Variants in SLC26A7 observed in about 807,000 individuals in gnomAD.
SLC26A7 encodes solute carrier family 26 member 7.
Under a neutral mutation model 82.5 loss-of-function variants are expected in SLC26A7, and 59 were observed. The ratio of observed to expected loss-of-function variants is 0.72; its 90% CI spans 0.58 to 0.89. The LOEUF (loss-of-function observed/expected upper bound fraction) is 0.89. SLC26A7 is among the 40% of genes least tolerant of loss of function. SLC26A7 has a pLI of 0.00. For missense variants in SLC26A7, 820 were observed against 793.0 expected (o/e 1.03, Z -0.41); for synonymous variants, 271 against 274.3 (o/e 0.99, Z 0.12).
intron 2 of SLC26A7, among the ~76,000 whole-genome samples, chr8:91,223,956 CTTGG>C (rs771305976): frequency 6.6e-5 from 10 of 151,646 alleles, no homozygotes; most frequent in Non-Finnish European, 1.5e-4. Flanking sequence ...CTTTCTTCTG[CTTGG>C]TTGATTTGGC....
intron 4 of SLC26A7, among the ~76,000 whole-genome samples, chr8:91,297,892 C>G (rs1008902847): frequency 6.6e-6 from 1 of 151,992 alleles, no homozygotes; most frequent in Non-Finnish European, 1.5e-5. Flanking sequence ...TGATTTTTTT[C>G]TCTCTGAAGA....
At chr8:91,293,100 A>G (rs1157159872) in intron 3 of SLC26A7, among the ~76,000 whole-genome samples, 5 of 152,202 alleles carry the variant, frequency 3.3e-5, no homozygotes, top group Admixed American at 2.6e-4. Flanking sequence ...GTATTTTATC[A>G]TCATTTTACA....
At chr8:91,272,239 T>C (rs1811292397) in intron 2 of SLC26A7, among the ~76,000 whole-genome samples, 1 of 152,224 alleles carries the variant, frequency 6.6e-6, no homozygotes, top group African/African-American at 2.4e-5. Flanking sequence ...TAGGTGAATA[T>C]ATAATTTTCA....
At chr8:91,225,475 C>T (rs1007291776) in intron 2 of SLC26A7, among the ~76,000 whole-genome samples, 36 of 151,730 alleles carry the variant, frequency 2.4e-4, no homozygotes, top group African/African-American at 7.5e-4. Flanking sequence ...TTCCTTCTCT[C>T]GTGGGTCTTG....
At chr8:91,309,873 A>G (rs776145028) in intron 4 of SLC26A7, among the ~76,000 whole-genome samples, 5 of 152,016 alleles carry the variant, frequency 3.3e-5, no homozygotes, top group Non-Finnish European at 7.4e-5. Flanking sequence ...GAGCATGTAT[A>G]GTGTGTTTAC....
intron 2 of SLC26A7, among the ~76,000 whole-genome samples, chr8:91,235,159 A>C (rs1299556647): frequency 1.3e-5 from 2 of 152,152 alleles, no homozygotes; most frequent in African/African-American, 2.4e-5. Context: ...CCTGGGCTCA[A>C]GCAATCCTTT....
At chr8:91,340,121 AT>A (rs1813360812) in intron 7 of SLC26A7, among the ~76,000 whole-genome samples, 1 of 152,140 alleles carries the variant, frequency 6.6e-6, no homozygotes, top group Non-Finnish European at 1.5e-5. Flanking sequence ...GATACAGGAA[AT>A]TTCTGTCGAG....
At position 91,397,090 on chromosome 8, in the gene SLC26A7, C is replaced by G. The variant is rs149577106; in HGVS notation, c.*1993C>G. On this transcript the variant is annotated 3_prime_UTR_variant, in exon 19 of 19. Coordinates refer to ENST00000276609, the MANE Select transcript of SLC26A7 (RefSeq NM_052832.4). ...TTGTCTGAGCAGTTATATTTTAATG[C>G]ATTTCAGTGTTTATAGTAGAAGTTT... is the stretch of plus-strand genomic sequence containing the variant. The G allele has an allele frequency of 6.5e-4, 99 of 152,052 alleles. No individual in the cohort carries two copies. Among genetic ancestry groups the G allele is most frequent in the African/African-American group, 2.2e-3 (92 of 41,530 alleles). The allele number at this position is 152,052 out of a possible 1,614,324, so 9.4% of individuals were successfully genotyped here.
chr8:91,395,327 G>T lies in SLC26A7; in HGVS notation c.*230G>T. The T allele has an allele frequency of 8.7e-7, 1 of 1,150,030 alleles. No homozygotes were observed. The highest frequency in any genetic ancestry group is 1.1e-6 in the Non-Finnish European group (1 of 882,298). 71.2% of individuals were successfully genotyped at this position (1,150,030 alleles called of 1,614,324 possible). On this transcript the variant is annotated 3_prime_UTR_variant, in exon 19 of 19. Transcript: ENST00000276609. ...TTATTTTATGTAAAAATCAGTATGT[G>T]TTTAGTTTTAGTGTACTGAAGGGTA...
chr8:91,216,020 C>T (rs1810039958), intron 1 of SLC26A7, among the ~76,000 whole-genome samples: 1 of 151,978 alleles, frequency 6.6e-6, no homozygotes, highest in African/African-American at 2.4e-5. Flanking sequence ...AGTGTAATAC[C>T]AAGAAATTAT....
chr8:91,386,211 C>T (rs761229486), intron 15 of SLC26A7, among the ~76,000 whole-genome samples: 2 of 152,144 alleles, frequency 1.3e-5, no homozygotes, highest in Non-Finnish European at 2.9e-5. Context: ...CCAAATAAAA[C>T]AACTGCTAAT....
At chr8:91,382,061 C>T in intron 15 of SLC26A7, among the ~76,000 whole-genome samples, 1 of 151,982 alleles carries the variant, frequency 6.6e-6, no homozygotes, top group East Asian at 1.9e-4. Context: ...CATTTTTTTC[C>T]TATGAGTCAA....
At chr8:91,351,076 C>T (rs927511706) in intron 9 of SLC26A7, among the ~76,000 whole-genome samples, 3 of 152,078 alleles carry the variant, frequency 2.0e-5, no homozygotes, top group African/African-American at 7.2e-5. Context: ...CTGTGAAAGC[C>T]TTCTTTTCTC....
intron 15 of SLC26A7, among the ~76,000 whole-genome samples, chr8:91,382,622 G>A (rs962344944): frequency 6.6e-6 from 1 of 151,988 alleles, no homozygotes; most frequent in Non-Finnish European, 1.5e-5. Context: ...CCTATAAAGT[G>A]GAATTCATAG....
At chr8:91,277,578 AC>A (rs1487251170) in intron 2 of SLC26A7, among the ~76,000 whole-genome samples, 12 of 152,204 alleles carry the variant, frequency 7.9e-5, no homozygotes, top group African/African-American at 2.9e-4. Flanking sequence ...GCCACAAAAT[AC>A]TGACATTGAT....
rs1414591040 is a variant in SLC26A7 at position 91,397,415 on chromosome 8, A to T, written c.*2318A>T. ...CTGGATTGTTTCTAGAGTCACAATG[A>T]ATTATTTTTATGAGATTACCTTATT... On this transcript the variant is annotated 3_prime_UTR_variant, in exon 19 of 19. Coordinates refer to ENST00000276609, the MANE Select transcript of SLC26A7 (RefSeq NM_052832.4). 2 of 152,570 alleles carry T rather than the reference A, an allele frequency of 1.3e-5. No individual in the cohort carries two copies. Among genetic ancestry groups the T allele is most frequent in the Non-Finnish European group, 2.9e-5 (2 of 67,964 alleles). The allele number at this position is 152,570 out of a possible 1,614,324, so 9.5% of individuals were successfully genotyped here.
intron 2 of SLC26A7, among the ~76,000 whole-genome samples, chr8:91,284,014 T>TA (rs962047238): frequency 1.1e-4 from 17 of 152,042 alleles, no homozygotes; most frequent in South Asian, 2.1e-4. Flanking sequence ...TTTGGCAACT[T>TA]AAAAAAAATG....
rs144533289 is a variant in SLC26A7 at position 91,329,298 on chromosome 8, C to T, written c.643-4997C>T. Among the ~76,000 whole-genome samples the T allele has an allele frequency of 6.9e-3, 1,053 of 152,244 alleles. 5 individuals carry two copies. Among genetic ancestry groups the T allele is most frequent in the Non-Finnish European group, 0.012 (791 of 67,984 alleles). ...TTCCTGTCTCTTTTTCCATATGCCA[C>T]CCATGTATCATGAGCCTGTTTTAGC... On this transcript the variant is annotated intron_variant, in intron 5 of 18. Coordinates refer to ENST00000276609, the MANE Select transcript of SLC26A7 (RefSeq NM_052832.4).
chr8:91,321,386 C>T (rs2130812544), intron 5 of SLC26A7, among the ~76,000 whole-genome samples: 1 of 152,288 alleles, frequency 6.6e-6, no homozygotes, highest in Middle Eastern at 3.4e-3. Flanking sequence ...GAAAACACGC[C>T]CCGACTCCAG....
Sources: gnomAD v4.1 joint callset for allele counts (sites outside exome capture counted in the v4.1 genomes callset) on GRCh38, gnomAD v4.1.1 for gene constraint, MANE v1.5 for transcripts, NCBI Gene and HGNC (gene_info 2026-07-23, HGNC 2026-07-21) for gene names.